Variants in JAKMIP1 observed in about 807,000 individuals in gnomAD.
JAKMIP1 encodes the protein janus kinase and microtubule interacting protein 1.
In JAKMIP1, 33 loss-of-function variants were observed where a neutral mutation model predicts 113.0. The observed-to-expected ratio is 0.29, with a 90% confidence interval of 0.22 to 0.39. JAKMIP1 has a LOEUF of 0.39. Among genes scored for constraint, JAKMIP1 ranks in the 10% least tolerant of loss-of-function variants. JAKMIP1 has a pLI of 1.00. For missense variants in JAKMIP1, 813 were observed against 1,080.5 expected, an observed-to-expected ratio of 0.75 and a Z score of 3.47; for synonymous variants, 480 against 459.9, an observed-to-expected ratio of 1.04 and a Z score of -0.56.
At chr4:6,121,058 G>C (rs867433460) in intron 1 of JAKMIP1, among the ~76,000 whole-genome samples, 2 of 152,046 alleles carry the variant, frequency 1.3e-5, no homozygotes, top group Non-Finnish European at 2.9e-5. Flanking sequence ...AAATTAGCCA[G>C]GCAAGGTGGT....
At chr4:6,098,437 G>C (rs551837032) in intron 3 of JAKMIP1, among the ~76,000 whole-genome samples, 48 of 150,460 alleles carry the variant, frequency 3.2e-4, no homozygotes, top group Non-Finnish European at 4.3e-4. Flanking sequence ...TCATCTGAAG[G>C]AACAAGGAAG....
At chr4:6,189,880 C>T (rs778103199) in intron 1 of JAKMIP1, among the ~76,000 whole-genome samples, 3 of 152,042 alleles carry the variant, frequency 2.0e-5, no homozygotes, top group Non-Finnish European at 2.9e-5. Flanking sequence ...CTGGCTCAGT[C>T]GAGAGCAGCC....
In JAKMIP1 at chr4:6,139,847, T is replaced by C. The variant is rs1412059416; in HGVS notation, c.-147-26850A>G. 6.6e-6 allele frequency among the ~76,000 whole-genome samples: 1 copy of C among 151,836 alleles called. No homozygotes were observed. Among genetic ancestry groups the C allele is most frequent in the Non-Finnish European group, 1.5e-5 (1 of 67,972 alleles). On this transcript the variant is annotated intron_variant, in intron 1 of 20. Coordinates refer to ENST00000409021, the MANE Select transcript of JAKMIP1 (RefSeq NM_001099433.2). This position sits in a 1 kb window ranked among gnomAD's most constrained non-coding sequence, Gnocchi z 5.2. Reference sequence around the variant, plus strand: ...GACACAGAGACAAAGGAGAACACCATGTGACGACGAAGGAGGAGGTCACGG... The same window carrying C: ...GACACAGAGACAAAGGAGAACACCACGTGACGACGAAGGAGGAGGTCACGG...
In JAKMIP1 at chr4:6,108,326, G is replaced by A. The variant is rs1417687811; in HGVS notation, c.130-2359C>T. Among the ~76,000 whole-genome samples, 1 of 152,130 alleles carries A rather than the reference G, an allele frequency of 6.6e-6. No homozygotes were observed. The highest frequency in any genetic ancestry group is 2.4e-5 in the African/African-American group (1 of 41,438). Reference sequence around the variant, plus strand: ...TGAGCAGGCCAAAAAAAGCCGCCCAGCACTTTACCTCCAGGTGCCTCCAAG... The same window carrying A: ...TGAGCAGGCCAAAAAAAGCCGCCCAACACTTTACCTCCAGGTGCCTCCAAG... On this transcript the variant is annotated intron_variant, in intron 2 of 20. Transcript: ENST00000409021. This position sits in a 1 kb window ranked among gnomAD's most constrained non-coding sequence, Gnocchi z 5.6.
chr4:6,107,511 A>G (rs768356989), intron 2 of JAKMIP1, among the ~76,000 whole-genome samples: 4 of 152,190 alleles, frequency 2.6e-5, no homozygotes, highest in Non-Finnish European at 5.9e-5. Context: ...CTCTGGGTGA[A>G]GCACGGTGCC....
rs765927311 is a variant in JAKMIP1 at position 6,081,771 on chromosome 4, GAC to G, written c.955-18_955-17del. 5.0e-6 allele frequency: 8 copies of G among 1,613,992 alleles called. No homozygotes were observed. Among genetic ancestry groups the G allele is most frequent in the Non-Finnish European group, 6.8e-6 (8 of 1,180,020 alleles). On this transcript the variant is annotated splice_polypyrimidine_tract_variant and intron_variant, in intron 5 of 20. Transcript: ENST00000409021. This position sits in a 1 kb window ranked among gnomAD's most constrained non-coding sequence, Gnocchi z 4.6. ...AGCGTTTCAGCTGTGGTTGGAAACA[GAC>G]ACAGAGGCTCAGACAACTTGACGAC...
chr4:6,189,739 C>T (rs1331759954), intron 1 of JAKMIP1, among the ~76,000 whole-genome samples: 1 of 152,162 alleles, frequency 6.6e-6, no homozygotes, highest in East Asian at 1.9e-4. Context: ...GGGGTTATGC[C>T]TGGCCCTACC....
At chr4:6,078,397 C>G (rs1467767200) in intron 8 of JAKMIP1, among the ~76,000 whole-genome samples, 1 of 137,144 alleles carries the variant, frequency 7.3e-6, no homozygotes, top group Non-Finnish European at 1.5e-5. Context: ...TAAAGGCAAA[C>G]TATGCTTTTT....
intron 18 of JAKMIP1, among the ~76,000 whole-genome samples, chr4:6,036,473 A>G (rs140837227): frequency 0.019 from 2,877 of 152,316 alleles, 31 homozygotes; most frequent in Non-Finnish European, 0.031. Flanking sequence ...CTCACCCTGG[A>G]AACAAATCTC....
In JAKMIP1 at chr4:6,137,957, G is replaced by A. The variant is rs1203739436; in HGVS notation, c.-147-24960C>T. ...TCCCACCATGGCCTTCTCCTTCCTG[G>A]CTTGCAGCTGAGGCTGTAACCAGCT... On this transcript the variant is annotated intron_variant, in intron 1 of 20. Transcript: ENST00000409021. This position sits in a 1 kb window ranked among gnomAD's most constrained non-coding sequence, Gnocchi z 4.5. Among the ~76,000 whole-genome samples the A allele has an allele frequency of 2.0e-5, 3 of 152,184 alleles. No individual in the cohort carries two copies. The East Asian group carries it at 5.8e-4, about 29-fold the overall frequency.
Position 6,098,229 on chromosome 4 carries a change from G to A in JAKMIP1, c.624+7244C>T, listed in dbSNP as rs774902300. Among the ~76,000 whole-genome samples the A allele has an allele frequency of 2.6e-5, 4 of 152,154 alleles. No individual in the cohort carries two copies. In the East Asian group the frequency reaches 5.8e-4, roughly 22 times the overall value. On this transcript the variant is annotated intron_variant, in intron 3 of 20. Transcript: ENST00000409021. ...GTGGATCACCTGAGGTCAGGAGTTC[G>A]AGACCAGCCTGGCCAACATGGCGAA...
chr4:6,175,210 T>C (rs1261492872), intron 1 of JAKMIP1, among the ~76,000 whole-genome samples: 1 of 152,124 alleles, frequency 6.6e-6, no homozygotes, highest in Non-Finnish European at 1.5e-5. Flanking sequence ...GCTGAGGCCC[T>C]GAAGGCTCAG....
rs1719773646 is a variant in JAKMIP1, at chr4:6,076,944, T to A, written c.1302+1995A>T. 6.6e-6 allele frequency among the ~76,000 whole-genome samples: 1 copy of A among 152,214 alleles called. No individual in the cohort carries two copies. Among genetic ancestry groups the A allele is most frequent in the African/African-American group, 2.4e-5 (1 of 41,458 alleles). ...AATTTCCCTGGCCTCATGTTGGTGCTGAGAAAGTTTCAGATTTTGGAGCAT... is the reference window on the plus strand; with the variant it reads ...AATTTCCCTGGCCTCATGTTGGTGCAGAGAAAGTTTCAGATTTTGGAGCAT... On this transcript the variant is annotated intron_variant, in intron 8 of 20. Coordinates refer to ENST00000409021, the MANE Select transcript of JAKMIP1 (RefSeq NM_001099433.2). The surrounding 1 kb of genome is among the most constrained non-coding windows in gnomAD (Gnocchi z 4.8).
At chr4:6,109,124 C>CTTTTTTTTT (rs71173408) in intron 2 of JAKMIP1, among the ~76,000 whole-genome samples, 4 of 96,860 alleles carry the variant, frequency 4.1e-5, no homozygotes, top group Non-Finnish European at 8.4e-5. Flanking sequence ...CCTGGGGCAC[C>CTTTTTTTTT]TTTTTTTTTT....
At chr4:6,151,456 C>T (rs1489934948) in intron 1 of JAKMIP1, among the ~76,000 whole-genome samples, 1 of 152,112 alleles carries the variant, frequency 6.6e-6, no homozygotes, top group Non-Finnish European at 1.5e-5. Context: ...CATGCCTCTG[C>T]CCAAGCTGTT....
chr4:6,052,650 TAAAAA>T (rs762425260), intron 13 of JAKMIP1, among the ~76,000 whole-genome samples: 1 of 53,986 alleles, frequency 1.9e-5, no homozygotes, highest in Non-Finnish European at 3.4e-5. Flanking sequence ...GACTCTGTCC[TAAAAA>T]AAAAAAAAAA....
chr4:6,048,391 C>G (rs762227027), intron 16 of JAKMIP1, among the ~76,000 whole-genome samples: 3 of 152,154 alleles, frequency 2.0e-5, no homozygotes, highest in Non-Finnish European at 4.4e-5. Context: ...GTGCAGTTTA[C>G]CACTGCATGA....
intron 2 of JAKMIP1, among the ~76,000 whole-genome samples, chr4:6,109,339 T>G (rs1298938259): frequency 6.6e-6 from 1 of 151,816 alleles, no homozygotes; most frequent in Non-Finnish European, 1.5e-5. Flanking sequence ...TTCACTGTGT[T>G]AGCCAGGATG....
intron 1 of JAKMIP1, among the ~76,000 whole-genome samples, chr4:6,127,651 A>T: frequency 6.6e-6 from 1 of 152,180 alleles, no homozygotes; most frequent in Non-Finnish European, 1.5e-5. Flanking sequence ...AGGCCAGGGC[A>T]CACCTGGGAA....
Sources: gnomAD v4.1 joint callset for allele counts (sites outside exome capture counted in the v4.1 genomes callset) on GRCh38, gnomAD v4.1.1 for gene constraint, Gnocchi (gnomAD v3.1) non-coding constraint, MANE v1.5 for transcripts, NCBI Gene and HGNC (gene_info 2026-07-23, HGNC 2026-07-21) for gene names.